The following PREP variants were observed in gnomAD, a reference collection of about 807,000 sequenced individuals.
PREP encodes dJ355L5.1 (prolyl endopeptidase).
PREP carries 29 observed loss-of-function variants against 87.6 expected under a neutral mutation model. That is an observed-to-expected ratio of 0.33 (90% CI 0.25 to 0.45). The LOEUF (loss-of-function observed/expected upper bound fraction) is 0.45. Among genes scored for constraint, PREP ranks in the 20% least tolerant of loss-of-function variants. PREP has a pLI of 1.00. For synonymous variants in PREP, 337 were observed against 328.6 expected, an observed-to-expected ratio of 1.03 and a Z score of -0.28; for missense variants, 695 against 886.5, an observed-to-expected ratio of 0.78 and a Z score of 2.74.
At chr6:105,279,116 G>A (rs1482197403) in intron 14 of PREP, 1 of 152,148 alleles carries the variant, frequency 6.6e-6, no homozygotes, top group Non-Finnish European at 1.5e-5. Flanking sequence ...TAAAAGTAAT[G>A]TTGATTTTAA....
At chr6:105,359,702 C>T (rs1772195103) in intron 6 of PREP, among the ~76,000 whole-genome samples, 1 of 152,084 alleles carries the variant, frequency 6.6e-6, no homozygotes, top group Non-Finnish European at 1.5e-5. Context: ...GAAGATGGCA[C>T]CTCTCCCAAG....
At chr6:105,365,011 A>G (rs999094877) in intron 6 of PREP, among the ~76,000 whole-genome samples, 4 of 152,232 alleles carry the variant, frequency 2.6e-5, no homozygotes, top group African/African-American at 7.2e-5. Context: ...GCACTTTGGG[A>G]GACCAAGATG....
chr6:105,292,359 AAAC>A (rs1182174080), intron 10 of PREP, among the ~76,000 whole-genome samples: 1 of 152,246 alleles, frequency 6.6e-6, no homozygotes, highest in Non-Finnish European at 1.5e-5. Flanking sequence ...GCAGGCATGA[AAAC>A]AACATTCACC....
At chr6:105,382,379 T>C (rs544304374) in intron 2 of PREP, among the ~76,000 whole-genome samples, 2 of 152,038 alleles carry the variant, frequency 1.3e-5, no homozygotes, top group Non-Finnish European at 2.9e-5. Flanking sequence ...TTTCTACATA[T>C]ATCAAAATGA....
At chr6:105,322,346 A>C (rs1485074463) in intron 10 of PREP, 4 of 927,768 alleles carry the variant, frequency 4.3e-6, no homozygotes, top group African/African-American at 1.8e-5. Flanking sequence ...AATATACCTT[A>C]TCTCTTAATA....
At chr6:105,373,996 A>G (rs1459688772) in intron 4 of PREP, among the ~76,000 whole-genome samples, 1 of 152,210 alleles carries the variant, frequency 6.6e-6, no homozygotes, top group Non-Finnish European at 1.5e-5. Context: ...CATACCATAT[A>G]ATAGAACTAA....
intron 5 of PREP, among the ~76,000 whole-genome samples, chr6:105,370,894 A>C (rs1360146691): frequency 1.3e-5 from 2 of 152,236 alleles, no homozygotes; most frequent in Non-Finnish European, 2.9e-5. Context: ...TAGAAGACAA[A>C]GGATTTTTAG....
intron 6 of PREP, among the ~76,000 whole-genome samples, chr6:105,353,307 TATC>T (rs1772005862): frequency 6.6e-6 from 1 of 152,226 alleles, no homozygotes; most frequent in Admixed American, 6.5e-5. Flanking sequence ...TAGTTGAAAA[TATC>T]AGTAGAGGTA....
intron 10 of PREP, chr6:105,298,469 C>G (rs1357521564): frequency 6.5e-6 from 1 of 153,736 alleles, no homozygotes; most frequent in Non-Finnish European, 1.5e-5. Flanking sequence ...AAGCTGCCAG[C>G]AAAGGGGAGG....
intron 14 of PREP, among the ~76,000 whole-genome samples, chr6:105,279,822 G>GAAAGT (rs1770039800): frequency 6.6e-6 from 1 of 152,174 alleles, no homozygotes; most frequent in Admixed American, 6.5e-5. Flanking sequence ...AATTAAGTTT[G>GAAAGT]AAAGTATTAG....
chr6:105,334,651 G>A (rs916196638), intron 7 of PREP, among the ~76,000 whole-genome samples: 2 of 152,050 alleles, frequency 1.3e-5, no homozygotes, highest in Non-Finnish European at 2.9e-5. Flanking sequence ...ACAGAAGGTG[G>A]AGGTTGCAGT....
chr6:105,387,068 C>G (rs1281455401), intron 2 of PREP, among the ~76,000 whole-genome samples: 1 of 152,106 alleles, frequency 6.6e-6, no homozygotes, highest in African/African-American at 2.4e-5. Flanking sequence ...CAAAAATTAG[C>G]CAGGTGTGGA....
At chr6:105,388,358 C>A (rs185525473) in intron 2 of PREP, among the ~76,000 whole-genome samples, 1 of 152,256 alleles carries the variant, frequency 6.6e-6, no homozygotes, top group Admixed American at 6.5e-5. Context: ...CAGAGCCTGG[C>A]CCTTGGTCCA....
chr6:105,344,061 C>T (rs1401613202), intron 7 of PREP, among the ~76,000 whole-genome samples: 2 of 152,204 alleles, frequency 1.3e-5, no homozygotes, highest in Non-Finnish European at 2.9e-5. Context: ...GCTATAAAGA[C>T]ACATGCACAC....
intron 2 of PREP, among the ~76,000 whole-genome samples, chr6:105,378,865 C>T (rs1168523279): frequency 1.3e-5 from 2 of 152,112 alleles, no homozygotes; most frequent in Non-Finnish European, 2.9e-5. Flanking sequence ...TTGGATATAT[C>T]ATCAAACTCT....
intron 14 of PREP, among the ~76,000 whole-genome samples, chr6:105,279,431 G>T (rs1462345357): frequency 6.6e-6 from 1 of 152,142 alleles, no homozygotes; most frequent in Non-Finnish European, 1.5e-5. Context: ...GTTCTAAAAA[G>T]AAACAAGTTT....
intron 12 of PREP, 127 bp downstream of exon 12, chr6:105,285,359 T>C (rs894514511): frequency 8.7e-5 from 69 of 795,722 alleles, no homozygotes; most frequent in Non-Finnish European, 2.2e-5. Flanking sequence ...AATATCCTTG[T>C]TTTTCATTCG....
At chr6:105,350,728 A>G (rs1055996983) in intron 7 of PREP, among the ~76,000 whole-genome samples, 10 of 152,226 alleles carry the variant, frequency 6.6e-5, no homozygotes, top group Non-Finnish European at 1.3e-4. Context: ...CCACTTGGTG[A>G]ATAACTGCAA....
chr6:105,335,092 C>A (rs1165453127), intron 7 of PREP, among the ~76,000 whole-genome samples: 6 of 152,160 alleles, frequency 3.9e-5, no homozygotes, highest in Non-Finnish European at 7.3e-5. Flanking sequence ...ATCTTCAATA[C>A]GTCCGTATCA....
Sources: gnomAD v4.1 joint callset for allele counts (sites outside exome capture counted in the v4.1 genomes callset) on GRCh38, gnomAD v4.1.1 for gene constraint, MANE v1.5 for transcripts, NCBI Gene and HGNC (gene_info 2026-07-23, HGNC 2026-07-21) for gene names.